LRMDA: variants seen among roughly 807,000 people sequenced by gnomAD.
LRMDA encodes leucine-rich melanocyte differentiation-associated protein.
Under a neutral mutation model 29.8 loss-of-function variants are expected in LRMDA, and 18 were observed. The observed-to-expected ratio is 0.60, with a 90% CI of 0.42 to 0.90. The LOEUF is 0.90. Ranked by LOEUF, LRMDA falls within the 40% of genes least tolerant of loss-of-function variation. The pLI is 0.00. For missense variants in LRMDA, 273 were observed against 273.9 expected, an observed-to-expected ratio of 1.00 and a Z score of 0.02; for synonymous variants, 125 against 109.4, an observed-to-expected ratio of 1.14 and a Z score of -0.89.
chr10:75,617,805 C>T (rs999728659), intron 2 of LRMDA, among the ~76,000 whole-genome samples: 1 of 152,150 alleles, frequency 6.6e-6, no homozygotes, highest in Non-Finnish European at 1.5e-5. Context: ...TCCATAAAGC[C>T]TCACACCACA....
intron 2 of LRMDA, among the ~76,000 whole-genome samples, chr10:75,884,838 G>C (rs1447771354): frequency 6.6e-6 from 1 of 152,230 alleles, no homozygotes; most frequent in Non-Finnish European, 1.5e-5. Flanking sequence ...TCATTTTCCA[G>C]TTTAGAAGAC....
rs564373615 is a variant in LRMDA, at chr10:75,869,040, C to T, written c.132-166968C>T. Reference sequence around the variant, plus strand: ...GCCAAGTTGAGTGCCCCTGAAATCACTGAATGTTGCCCAATGGGAGAAGGA... The same window carrying T: ...GCCAAGTTGAGTGCCCCTGAAATCATTGAATGTTGCCCAATGGGAGAAGGA... On this transcript the variant is annotated intron_variant, in intron 2 of 6. Coordinates refer to ENST00000611255, the MANE Select transcript of LRMDA (RefSeq NM_001305581.2). Among the ~76,000 whole-genome samples the T allele has an allele frequency of 2.6e-3, 398 of 152,326 alleles. 1 individual carries two copies. Among genetic ancestry groups the T allele is most frequent in the Middle Eastern group, 0.01 (3 of 294 alleles).
chr10:75,877,009 TG>T (rs1845210132), intron 2 of LRMDA, among the ~76,000 whole-genome samples: 1 of 152,160 alleles, frequency 6.6e-6, no homozygotes, highest in African/African-American at 2.4e-5. Flanking sequence ...TTAGAACCCC[TG>T]CTGTCCACCA....
intron 2 of LRMDA, among the ~76,000 whole-genome samples, chr10:75,666,873 A>G (rs1841829099): frequency 6.6e-6 from 1 of 152,200 alleles, no homozygotes; most frequent in Non-Finnish European, 1.5e-5. Flanking sequence ...TTAAAATTAT[A>G]AAATTCACCT....
At chr10:75,574,655 T>C (rs1175432961) in intron 2 of LRMDA, among the ~76,000 whole-genome samples, 1 of 152,022 alleles carries the variant, frequency 6.6e-6, no homozygotes, top group Admixed American at 6.5e-5. Context: ...TTACCAAGAG[T>C]CCTTAGCTCT....
intron 2 of LRMDA, among the ~76,000 whole-genome samples, chr10:75,726,714 C>T (rs1269776401): frequency 4.6e-5 from 7 of 152,156 alleles, no homozygotes; most frequent in African/African-American, 9.7e-5. Context: ...GAGGACTGTG[C>T]GGTTTCACAG....
intron 5 of LRMDA, among the ~76,000 whole-genome samples, chr10:76,254,383 G>C (rs1022076081): frequency 6.7e-6 from 1 of 148,756 alleles, no homozygotes; most frequent in African/African-American, 2.5e-5. Context: ...GCTATGCTAT[G>C]CTATGCTATG....
At chr10:76,034,178 T>C (rs1245698343) in intron 2 of LRMDA, among the ~76,000 whole-genome samples, 4 of 151,960 alleles carry the variant, frequency 2.6e-5, no homozygotes, top group African/African-American at 9.7e-5. Context: ...ACATTGTGGG[T>C]TTTTAAATTT....
chr10:76,076,109 C>A (rs903302015), intron 5 of LRMDA, among the ~76,000 whole-genome samples: 1 of 151,888 alleles, frequency 6.6e-6, no homozygotes, highest in Admixed American at 6.6e-5. Context: ...TTTGGGAGGC[C>A]GAGGTGGGTG....
chr10:76,477,651 A>G (rs1475578896), intron 6 of LRMDA, among the ~76,000 whole-genome samples: 3 of 152,178 alleles, frequency 2.0e-5, no homozygotes, highest in Non-Finnish European at 4.4e-5. Context: ...ACTTCAAACT[A>G]TACTACAAGG....
intron 2 of LRMDA, among the ~76,000 whole-genome samples, chr10:75,712,244 C>G (rs973429428): frequency 6.6e-6 from 1 of 152,174 alleles, no homozygotes; most frequent in African/African-American, 2.4e-5. Context: ...CTCCCCGCCC[C>G]CCTTGTTTCT....
intron 6 of LRMDA, among the ~76,000 whole-genome samples, chr10:76,504,534 T>C (rs1462790251): frequency 6.6e-6 from 1 of 152,122 alleles, no homozygotes; most frequent in Non-Finnish European, 1.5e-5. Context: ...TTAAATCTTC[T>C]TGTTAAATCA....
At chr10:75,582,500 G>A (rs1242251819) in intron 2 of LRMDA, among the ~76,000 whole-genome samples, 2 of 152,210 alleles carry the variant, frequency 1.3e-5, no homozygotes, top group African/African-American at 4.8e-5. Flanking sequence ...GATACAGGGA[G>A]CAGTGTCCTG....
intron 2 of LRMDA, among the ~76,000 whole-genome samples, chr10:76,004,815 C>T (rs150944993): frequency 0.02 from 3,082 of 151,562 alleles, 57 homozygotes; most frequent in East Asian, 0.064. Context: ...GCAAGCTCCG[C>T]CTCCCAGGTT....
chr10:76,043,721 A>G (rs1848379840), intron 3 of LRMDA, among the ~76,000 whole-genome samples: 1 of 152,166 alleles, frequency 6.6e-6, no homozygotes, highest in Non-Finnish European at 1.5e-5. Flanking sequence ...ACTTCCCCGA[A>G]CATGGTGGCC....
At chr10:76,197,765 C>T (rs974466357) in intron 5 of LRMDA, among the ~76,000 whole-genome samples, 2 of 151,884 alleles carry the variant, frequency 1.3e-5, no homozygotes, top group African/African-American at 4.8e-5. Flanking sequence ...CTAAAAAATA[C>T]AAAAATTAGC....
chr10:75,743,934 TG>T (rs1842861617), intron 2 of LRMDA, among the ~76,000 whole-genome samples: 1 of 152,220 alleles, frequency 6.6e-6, no homozygotes, highest in Non-Finnish European at 1.5e-5. Context: ...GGAACATTTT[TG>T]GGTCCAAGTT....
chr10:75,835,545 G>C lies in LRMDA; in HGVS notation c.132-200463G>C, dbSNP rs115836742. On this transcript the variant is annotated intron_variant, in intron 2 of 6. Coordinates refer to ENST00000611255, the MANE Select transcript of LRMDA (RefSeq NM_001305581.2). ...GTGGTGTTATGTAGCCTACCATATC[G>C]CTATTATTTCAGTTCTCCCAACTTT... is the stretch of plus-strand genomic sequence containing the variant. 3.6e-3 allele frequency among the ~76,000 whole-genome samples: 551 copies of C among 152,256 alleles called. 4 individuals are homozygous for C. The highest frequency in any genetic ancestry group is 0.013 in the African/African-American group (524 of 41,538).
chr10:75,930,537 G>A (rs1846189991), intron 2 of LRMDA, among the ~76,000 whole-genome samples: 1 of 152,124 alleles, frequency 6.6e-6, no homozygotes, highest in African/African-American at 2.4e-5. Flanking sequence ...TGATGGTGAT[G>A]ATCATGTCTT....
Sources: gnomAD v4.1 joint callset for allele counts (sites outside exome capture counted in the v4.1 genomes callset) on GRCh38, gnomAD v4.1.1 for gene constraint, MANE v1.5 for transcripts, NCBI Gene and HGNC (gene_info 2026-07-23, HGNC 2026-07-21) for gene names.